SLC44A5: variants seen among roughly 807,000 people sequenced by gnomAD.
SLC44A5 encodes solute carrier family 44 member 5.
SLC44A5 carries 57 observed loss-of-function variants against 101.8 expected under a neutral mutation model. The ratio of observed to expected loss-of-function variants is 0.56; its 90% confidence interval spans 0.45 to 0.70. The LOEUF (loss-of-function observed/expected upper bound fraction) is 0.70, where lower values mean the gene tolerates loss of function less well. Ranked by LOEUF, SLC44A5 falls within the 30% of genes least tolerant of loss-of-function variation. The probability of loss-of-function intolerance (pLI) is 0.00; values close to 1 mark genes in which losing one functional copy is unlikely to be tolerated. For missense variants in SLC44A5, 737 were observed against 853.1 expected (o/e 0.86, Z 1.70); for synonymous variants, 281 against 290.9 (o/e 0.97, Z 0.35).
At chr1:75,436,651 A>G (rs1392487136) in intron 2 of SLC44A5, among the ~76,000 whole-genome samples, 1 of 152,158 alleles carries the variant, frequency 6.6e-6, no homozygotes, top group African/African-American at 2.4e-5. Context: ...CACAAAATTT[A>G]TACACAAATA....
intron 1 of SLC44A5, among the ~76,000 whole-genome samples, chr1:75,604,524 G>A (rs555758954): frequency 2.6e-5 from 4 of 152,052 alleles, no homozygotes; most frequent in Admixed American, 6.6e-5. Flanking sequence ...ACTTCCATAT[G>A]AATTTTAGAA....
intron 2 of SLC44A5, among the ~76,000 whole-genome samples, chr1:75,457,739 T>A (rs1368334993): frequency 6.6e-6 from 1 of 151,938 alleles, no homozygotes; most frequent in Non-Finnish European, 1.5e-5. Flanking sequence ...ATGCCTGTAA[T>A]CCAGCTACTA....
intron 3 of SLC44A5, among the ~76,000 whole-genome samples, chr1:75,372,446 C>T (rs1244023759): frequency 6.6e-6 from 1 of 152,094 alleles, no homozygotes; most frequent in Non-Finnish European, 1.5e-5. Context: ...GGATATTCAA[C>T]ATAAAATACA....
intron 4 of SLC44A5, among the ~76,000 whole-genome samples, chr1:75,319,182 T>C (rs1323057036): frequency 6.6e-6 from 1 of 152,182 alleles, no homozygotes; most frequent in Non-Finnish European, 1.5e-5. Flanking sequence ...TGCTTTGCGA[T>C]ACATTAATAT....
intron 2 of SLC44A5, among the ~76,000 whole-genome samples, chr1:75,419,857 G>A (rs1663893569): frequency 6.6e-6 from 1 of 152,076 alleles, no homozygotes. Flanking sequence ...TACTATACAT[G>A]GAGTGGTATA....
chr1:75,397,009 A>G (rs1662167991), intron 2 of SLC44A5, among the ~76,000 whole-genome samples: 1 of 152,208 alleles, frequency 6.6e-6, no homozygotes, highest in South Asian at 2.1e-4. Flanking sequence ...TTCAGAAGAC[A>G]CATTAGTCAT....
intron 4 of SLC44A5, among the ~76,000 whole-genome samples, chr1:75,339,268 G>T (rs1278280374): frequency 6.6e-6 from 1 of 152,062 alleles, no homozygotes; most frequent in Non-Finnish European, 1.5e-5. Flanking sequence ...CTACTTGAAT[G>T]AGTTTGCTTC....
intron 2 of SLC44A5, among the ~76,000 whole-genome samples, chr1:75,426,345 A>G (rs1011593703): frequency 6.6e-6 from 1 of 152,206 alleles, no homozygotes; most frequent in African/African-American, 2.4e-5. Context: ...TTGTTTAAAT[A>G]TTAGAAATGG....
chr1:75,449,292 C>A (rs190807075), intron 2 of SLC44A5, among the ~76,000 whole-genome samples: 1 of 152,296 alleles, frequency 6.6e-6, no homozygotes, highest in Non-Finnish European at 1.5e-5. Context: ...TCTCTGGGTG[C>A]TTGTCTCCTT....
intron 13 of SLC44A5, among the ~76,000 whole-genome samples, chr1:75,222,881 C>T (rs1331861368): frequency 6.6e-6 from 1 of 152,150 alleles, no homozygotes; most frequent in East Asian, 1.9e-4. Flanking sequence ...ACTGTCCTTG[C>T]TGGCTGGCAG....
chr1:75,591,530 C>CT (rs981584426), intron 1 of SLC44A5, among the ~76,000 whole-genome samples: 1 of 151,632 alleles, frequency 6.6e-6, no homozygotes, highest in African/African-American at 2.4e-5. Context: ...TTTGTTATGT[C>CT]TTTTTTTGGT....
At chr1:75,538,689 T>A (rs1421717286) in intron 2 of SLC44A5, among the ~76,000 whole-genome samples, 1 of 152,234 alleles carries the variant, frequency 6.6e-6, no homozygotes, top group East Asian at 1.9e-4. Context: ...AACTGTCAGC[T>A]TACTGTTTAA....
intron 5 of SLC44A5, among the ~76,000 whole-genome samples, chr1:75,285,185 C>A (rs1320841886): frequency 6.6e-6 from 1 of 151,840 alleles, no homozygotes; most frequent in Non-Finnish European, 1.5e-5. Flanking sequence ...TCTTGTTGGT[C>A]TGTTCAGAGT....
chr1:75,389,071 A>T (rs1661609461), intron 3 of SLC44A5, among the ~76,000 whole-genome samples: 1 of 152,212 alleles, frequency 6.6e-6, no homozygotes, highest in Non-Finnish European at 1.5e-5. Context: ...CACAACAGAA[A>T]AAAAGACAAA....
At chr1:75,662,250 C>G in the SLC44A5 span, among the ~76,000 whole-genome samples, 5 of 151,958 alleles carry the variant, frequency 3.3e-5, no homozygotes, top group Non-Finnish European at 7.4e-5. Flanking sequence ...AAGATAGGCA[C>G]TAAAAGACAC....
At chr1:75,674,604 T>A in the SLC44A5 span, among the ~76,000 whole-genome samples, 1 of 86,184 alleles carries the variant, frequency 1.2e-5, no homozygotes, top group Non-Finnish European at 2.3e-5. Flanking sequence ...GGTTTCGAAC[T>A]CCTGAGCTCG....
chr1:75,565,792 T>C (rs1157435933), intron 1 of SLC44A5, among the ~76,000 whole-genome samples: 1 of 152,202 alleles, frequency 6.6e-6, no homozygotes, highest in African/African-American at 2.4e-5. Context: ...AATAGTACAA[T>C]TTATGCAAAG....
chr1:75,716,083 G>C, the SLC44A5 span, among the ~76,000 whole-genome samples: 3 of 152,268 alleles, frequency 2.0e-5, no homozygotes, highest in African/African-American at 7.2e-5. Flanking sequence ...GTAATCAATA[G>C]AGAAATGCAA....
intron 2 of SLC44A5, among the ~76,000 whole-genome samples, chr1:75,487,664 TAAC>T (rs1668223564): frequency 6.6e-6 from 1 of 152,220 alleles, no homozygotes; most frequent in South Asian, 2.1e-4. Context: ...ATCTGTCACT[TAAC>T]ATCATGAATC....
Sources: allele counts gnomAD v4.1 joint callset (sites outside exome capture counted in the v4.1 genomes callset), GRCh38; gene constraint gnomAD v4.1.1; transcripts MANE v1.5; gene names NCBI Gene and HGNC (gene_info 2026-07-23, HGNC 2026-07-21).